The following CLVS1 variants were observed in gnomAD, a reference collection of about 807,000 sequenced individuals.
CLVS1 encodes the protein clavesin-1.
In CLVS1, 10 loss-of-function variants were observed where a neutral mutation model predicts 33.1. The observed-to-expected ratio is 0.30, with a 90% CI of 0.19 to 0.51. CLVS1 has a LOEUF of 0.51. CLVS1 is among the 20% of genes least tolerant of loss of function. CLVS1 has a pLI of 0.97. For synonymous variants in CLVS1, 163 were observed against 166.1 expected (o/e 0.98, Z 0.14); for missense variants, 343 against 433.4 (o/e 0.79, Z 1.85).
intron 3 of CLVS1, among the ~76,000 whole-genome samples, chr8:61,396,813 T>C (rs1585911633): frequency 6.6e-6 from 1 of 152,218 alleles, no homozygotes; most frequent in East Asian, 1.9e-4. Flanking sequence ...TGTAACTGGC[T>C]TCTTTCTCTC....
intron 2 of CLVS1, among the ~76,000 whole-genome samples, chr8:61,338,244 A>G (rs1315230745): frequency 6.6e-6 from 1 of 152,200 alleles, no homozygotes; most frequent in Admixed American, 6.5e-5. Flanking sequence ...CAATTTTTTA[A>G]AACTCTATGC....
At chr8:61,068,026 A>T (rs1206910343) in intron 1 of CLVS1, among the ~76,000 whole-genome samples, 4 of 151,218 alleles carry the variant, frequency 2.6e-5, no homozygotes, top group Admixed American at 6.6e-5. Flanking sequence ...TCTATAAAAA[A>T]TTTTAAAAAA....
the CLVS1 span, among the ~76,000 whole-genome samples, chr8:61,022,653 A>G: frequency 6.6e-6 from 1 of 152,174 alleles, no homozygotes; most frequent in Non-Finnish European, 1.5e-5. Flanking sequence ...GCTGTCATTT[A>G]TCGTGAGAAC....
chr8:61,122,376 T>C (rs1164723169), intron 1 of CLVS1, among the ~76,000 whole-genome samples: 1 of 152,118 alleles, frequency 6.6e-6, no homozygotes, highest in Non-Finnish European at 1.5e-5. Flanking sequence ...ATCCTTACAA[T>C]TGTTGCAAAA....
intron 3 of CLVS1, among the ~76,000 whole-genome samples, chr8:61,439,707 A>T (rs1816470449): frequency 6.6e-6 from 1 of 152,184 alleles, no homozygotes; most frequent in Admixed American, 6.5e-5. Flanking sequence ...GTATAGTCAC[A>T]TTGTCTGTTG....
intron 2 of CLVS1, among the ~76,000 whole-genome samples, chr8:61,366,359 C>A (rs890691442): frequency 3.9e-5 from 6 of 152,200 alleles, no homozygotes; most frequent in Admixed American, 2.0e-4. Context: ...TTCTTGACTG[C>A]ATTTTATCAC....
intron 2 of CLVS1, among the ~76,000 whole-genome samples, chr8:61,338,224 T>A (rs970289731): frequency 6.6e-6 from 1 of 152,216 alleles, no homozygotes. Flanking sequence ...TGAATTGTTA[T>A]AGGTTTGAGC....
the CLVS1 span, among the ~76,000 whole-genome samples, chr8:61,049,583 A>G: frequency 6.6e-6 from 1 of 152,228 alleles, no homozygotes; most frequent in Non-Finnish European, 1.5e-5. Flanking sequence ...TAGTCAAAAA[A>G]CTTTCTACTG....
intron 2 of CLVS1, among the ~76,000 whole-genome samples, chr8:61,305,272 G>T (rs115756736): frequency 2.6e-5 from 4 of 151,662 alleles, no homozygotes; most frequent in Non-Finnish European, 2.9e-5. Flanking sequence ...ATTTTTTAGC[G>T]TACAGTTCAG....
At chr8:61,237,876 C>G (rs1808601915) in intron 2 of CLVS1, among the ~76,000 whole-genome samples, 1 of 150,738 alleles carries the variant, frequency 6.6e-6, no homozygotes, top group African/African-American at 2.4e-5. Context: ...GGGCTTTCTG[C>G]TGCCTTAGGG....
intron 2 of CLVS1, among the ~76,000 whole-genome samples, chr8:61,260,464 C>T (rs929318323): frequency 5.9e-5 from 9 of 152,222 alleles, no homozygotes; most frequent in Non-Finnish European, 1.3e-4. Context: ...TGTTCTCCCT[C>T]TTCTTCATAC....
At chr8:61,193,744 C>G (rs2978514) in intron 2 of CLVS1, among the ~76,000 whole-genome samples, 1 of 151,660 alleles carries the variant, frequency 6.6e-6, no homozygotes, top group East Asian at 1.9e-4. Flanking sequence ...AAAAGAAATT[C>G]TACAAGATAC....
Position 61,480,026 on chromosome 8 carries a change from G to T in CLVS1, c.978-19429G>T, listed in dbSNP as rs531354664. Among the ~76,000 whole-genome samples, 20 of 152,328 alleles carry T rather than the reference G, an allele frequency of 1.3e-4. No individual in the cohort carries two copies. In the South Asian group the frequency reaches 3.9e-3, roughly 30 times the overall value. Reference sequence around the variant, plus strand: ...GTGCCTCCCCGTTAGGCTACTCAGGGGTCAGGGACCCATTTGAGGAGGCAG... The same window carrying T: ...GTGCCTCCCCGTTAGGCTACTCAGGTGTCAGGGACCCATTTGAGGAGGCAG... On this transcript the variant is annotated intron_variant, in intron 5 of 5. Coordinates refer to ENST00000325897, the MANE Select transcript of CLVS1 (RefSeq NM_173519.3).
intron 2 of CLVS1, among the ~76,000 whole-genome samples, chr8:61,320,081 C>T (rs1159379049): frequency 2.6e-5 from 4 of 152,012 alleles, no homozygotes; most frequent in Non-Finnish European, 5.9e-5. Flanking sequence ...TAGTTTCTAT[C>T]CATATAAAAT....
intron 5 of CLVS1, among the ~76,000 whole-genome samples, chr8:61,468,716 TAAAAAA>T (rs5891803): frequency 2.2e-5 from 2 of 92,484 alleles, no homozygotes; most frequent in Non-Finnish European, 2.0e-5. Context: ...GTAAAAGTAC[TAAAAAA>T]AAAAAAAAAA....
chr8:61,213,651 A>G (rs1012460360), intron 2 of CLVS1, among the ~76,000 whole-genome samples: 7 of 152,132 alleles, frequency 4.6e-5, no homozygotes, highest in Non-Finnish European at 8.8e-5. Flanking sequence ...ACCCGTCTTT[A>G]CTTTAATCTC....
At chr8:61,166,546 CT>C (rs3056180) in intron 2 of CLVS1, among the ~76,000 whole-genome samples, 27,819 of 151,274 alleles carry the variant, frequency 0.18, 2,674 homozygotes, top group Admixed American at 0.26. Context: ...GTAATAAAAG[CT>C]TTTTTTTTTG....
rs1447645547 is a variant in CLVS1 at position 61,295,821 on chromosome 8, TATACTC to T, written c.-151-3853_-151-3848del. Among the ~76,000 whole-genome samples the T allele has an allele frequency of 3.3e-5, 5 of 152,210 alleles. No homozygotes were observed. In the South Asian group the frequency reaches 1.0e-3, roughly 32 times the overall value. ...CTCATTTGAAAAATGAGGACAATAA[TATACTC>T]ATTTCATACAGTTGTTCTGAGGATT... On this transcript the variant is annotated intron_variant, in intron 1 of 5. Transcript: ENST00000325897.
the CLVS1 span, among the ~76,000 whole-genome samples, chr8:61,038,057 C>T: frequency 6.6e-6 from 1 of 152,166 alleles, no homozygotes; most frequent in African/African-American, 2.4e-5. Context: ...GGTAACACAC[C>T]TGGACTGTCC....
Sources: allele counts gnomAD v4.1 joint callset (sites outside exome capture counted in the v4.1 genomes callset), GRCh38; gene constraint gnomAD v4.1.1; transcripts MANE v1.5; gene names NCBI Gene and HGNC (gene_info 2026-07-23, HGNC 2026-07-21).